Variants in AP1M1 observed in about 807,000 individuals in gnomAD.
AP1M1 encodes the protein AP-1 complex subunit mu-1.
A neutral mutation model predicts 57.1 loss-of-function variants in AP1M1; 18 were observed. The ratio of observed to expected loss-of-function variants is 0.32; its 90% CI spans 0.22 to 0.47. AP1M1 has a LOEUF of 0.47. Among genes scored for constraint, AP1M1 ranks in the 20% least tolerant of loss-of-function variants. AP1M1 has a pLI of 1.00. For missense variants in AP1M1, 362 were observed against 593.5 expected (o/e 0.61, Z 4.05); for synonymous variants, 241 against 237.9 (o/e 1.01, Z -0.12).
At chr19:16,208,202 C>G (rs971793267) in intron 4 of AP1M1, 53 bp downstream of exon 4, 9 of 1,547,186 alleles carry the variant, frequency 5.8e-6, no homozygotes, top group African/African-American at 1.4e-5. Flanking sequence ...GTCATGACAT[C>G]GACGTCATCA....
Position 16,206,364 on chromosome 19 carries a change from G to A in AP1M1, c.223G>A (p.Ala75Thr), listed in dbSNP as rs749998518. The A allele has an allele frequency of 3.5e-5, 57 of 1,614,146 alleles. No homozygotes were observed. The highest frequency in any genetic ancestry group is 6.6e-5 in the South Asian group (6 of 91,074). ...AGTGGTTGCCACATCCAAGAAGAAC[G>A]CGTGCGTGTCGCTGGTCTTTTCTTT... ...LYLVATSKKN[A>T]CVSLVFSFLY... The change falls in exon 3 of 12, where the codon GCG becomes ACG. Residue 75 changes from alanine to threonine, a missense_variant. By Grantham distance (58) the Ala-to-Thr change is moderately conservative (BLOSUM62 0). This residue lies in a region of AP1M1 where 337 missense variants were observed against 511.1 expected (regional missense o/e 0.66). Transcript: ENST00000291439. This position sits in a 1 kb window ranked among gnomAD's most constrained non-coding sequence, Gnocchi z 4.3.
chr19:16,224,616 A>G (rs1281180446), intron 5 of AP1M1, among the ~76,000 whole-genome samples: 1 of 152,188 alleles, frequency 6.6e-6, no homozygotes, highest in Non-Finnish European at 1.5e-5. Flanking sequence ...TGCTGCCCGC[A>G]GGGCCGAGAT....
chr19:16,213,733 T>G (rs2091505547), intron 5 of AP1M1, among the ~76,000 whole-genome samples: 1 of 152,160 alleles, frequency 6.6e-6, no homozygotes, highest in Non-Finnish European at 1.5e-5. Flanking sequence ...CCTCAAGTGA[T>G]CCACTCGCCT....
Position 16,203,245 on chromosome 19 carries a change from G to T in AP1M1, c.43-214G>T. On this transcript the variant is annotated intron_variant, in intron 1 of 11. Transcript: ENST00000291439. This position sits in a 1 kb window ranked among gnomAD's most constrained non-coding sequence, Gnocchi z 4.6. ...CCTCACCCTGCGAAGAACTGCAGTG[G>T]CCCCTGTGGGCATTCACACTGGGAG... is the stretch of plus-strand genomic sequence containing the variant. The T allele has an allele frequency of 1.7e-6, 1 of 589,170 alleles. No homozygotes were observed. Among genetic ancestry groups the T allele is most frequent in the Non-Finnish European group, 3.0e-6 (1 of 330,756 alleles). The allele number at this position is 589,170 out of a possible 1,614,324, so 36.5% of individuals were successfully genotyped here. A position where few individuals can be genotyped will look rare whatever the true frequency, so the allele number is the denominator to read the frequency against.
rs185556793 is a variant in AP1M1 at position 16,219,730 on chromosome 19, G to A, written c.547-6691G>A. Among the ~76,000 whole-genome samples, 471 of 152,230 alleles carry A rather than the reference G, an allele frequency of 3.1e-3. 1 individual carries two copies. Among genetic ancestry groups the A allele is most frequent in the Middle Eastern group, 6.8e-3 (2 of 292 alleles). On this transcript the variant is annotated intron_variant, in intron 5 of 11. Coordinates refer to ENST00000291439, the MANE Select transcript of AP1M1 (RefSeq NM_032493.4). ...TATGTTTTATATACACCTTATGCAC[G>A]TAGTCTGAAGGTAATTTTACTTTTC...
intron 5 of AP1M1, among the ~76,000 whole-genome samples, chr19:16,219,126 A>G (rs12976070): frequency 0.66 from 99,422 of 150,686 alleles, 35,009 homozygotes; most frequent in Non-Finnish European, 0.8. Flanking sequence ...TTCTGCATCA[A>G]TTGATGTAAT....
At chr19:16,209,699 C>G (rs532397224) in intron 5 of AP1M1, among the ~76,000 whole-genome samples, 7 of 152,078 alleles carry the variant, frequency 4.6e-5, no homozygotes, top group African/African-American at 1.7e-4. Context: ...GGGCCTCATT[C>G]TGTAGACAGA....
Position 16,233,522 on chromosome 19 carries a change from C to G in AP1M1, c.1077C>G (p.His359Gln). The change falls in exon 10 of 12, where the codon CAC becomes CAG. Residue 359 changes from histidine (H) to glutamine (Q), a missense_variant. Coordinates refer to ENST00000291439, the MANE Select transcript of AP1M1 (RefSeq NM_032493.4). ...PGGKEYLMRA[H>Q]FGLPSVEAED... ...GCAAGGAGTACCTGATGCGGGCCCA[C>G]TTCGGCCTGCCTAGTGTGGAGGCCG... 6.2e-7 allele frequency: 1 copy of G among 1,605,478 alleles called. No individual in the cohort carries two copies. Among genetic ancestry groups the G allele is most frequent in the South Asian group, 1.1e-5 (1 of 89,538 alleles).
chr19:16,230,014 A>G (rs2091589301), intron 9 of AP1M1, among the ~76,000 whole-genome samples: 1 of 152,214 alleles, frequency 6.6e-6, no homozygotes, highest in Admixed American at 6.5e-5. Context: ...ACTGTTGAAA[A>G]TAGTGTTTAT....
Position 16,209,066 on chromosome 19 carries a change from G to A in AP1M1, c.435G>A (p.Gly145=). ...AGGAAGGCCACAAGCTGGAAACAGG[G>A]GCCCCGCGGCCACCAGCCACCGTCA... ...ITQEGHKLET[G]APRPPATVTN... Residue 145 remains glycine (G), a synonymous_variant, in exon 5 of 12, where the codon GGG becomes GGA. Transcript: ENST00000291439. 1 of 1,614,130 alleles carries A rather than the reference G, an allele frequency of 6.2e-7. No individual in the cohort carries two copies. The highest frequency in any genetic ancestry group is 8.5e-7 in the Non-Finnish European group (1 of 1,180,022).
intron 5 of AP1M1, chr19:16,210,221 AT>A (rs1189567525): frequency 3.5e-6 from 2 of 575,690 alleles, no homozygotes; most frequent in Non-Finnish European, 6.4e-6. Flanking sequence ...TCCCTTTTAT[AT>A]TTATTTATAT....
rs909654669 is a variant in AP1M1, at chr19:16,206,066, G to A, written c.200-275G>A. On this transcript the variant is annotated intron_variant, in intron 2 of 11. Coordinates refer to ENST00000291439, the MANE Select transcript of AP1M1 (RefSeq NM_032493.4). This position sits in a 1 kb window ranked among gnomAD's most constrained non-coding sequence, Gnocchi z 4.3. ...CAAGGCAGCCCTTCACCCAGCCGCC[G>A]GGACAGGTGCCCTGTGCCACCTGCC... Among the ~76,000 whole-genome samples, 7 of 152,092 alleles carry A rather than the reference G, an allele frequency of 4.6e-5. No individual in the cohort carries two copies. Among genetic ancestry groups the A allele is most frequent in the South Asian group, 2.1e-4 (1 of 4,826 alleles).
chr19:16,222,388 A>T (rs868644759), intron 5 of AP1M1, among the ~76,000 whole-genome samples: 2 of 148,438 alleles, frequency 1.3e-5, no homozygotes, highest in African/African-American at 2.5e-5. Flanking sequence ...TTAAAAAAAA[A>T]TTTTTGTAGA....
Position 16,227,378 on chromosome 19 carries a change from A to T in AP1M1, c.674-170A>T, listed in dbSNP as rs1263195842. ...GGGGACCCCAGGGGTGTGAGGAGTG[A>T]TGGGGCAGTTGTCTTGGGACCCAGC... On this transcript the variant is annotated intron_variant, in intron 6 of 11. Transcript: ENST00000291439. The surrounding 1 kb of genome is among the most constrained non-coding windows in gnomAD (Gnocchi z 6.2). 6.6e-6 allele frequency among the ~76,000 whole-genome samples: 1 copy of T among 151,854 alleles called. No homozygotes were observed. Among genetic ancestry groups the T allele is most frequent in the African/African-American group, 2.4e-5 (1 of 41,316 alleles).
intron 5 of AP1M1, among the ~76,000 whole-genome samples, chr19:16,219,926 A>G (rs1346983948): frequency 6.6e-6 from 1 of 152,036 alleles, no homozygotes; most frequent in Non-Finnish European, 1.5e-5. Context: ...CTTAACCTGT[A>G]TTCTTTTTAT....
chr19:16,243,152 T>C lies in AP1M1; in HGVS notation c.*8717T>C, dbSNP rs1421765589. On this transcript the variant is annotated 3_prime_UTR_variant, in exon 12 of 12. Transcript: ENST00000291439. The stretch of plus-strand genomic sequence containing the variant: ...TCCACACAACTCCAAGAATTATTAT[T>C]AGAGTTCCCACTCTCTGAGGAATTT... 1 of 152,224 alleles carries C rather than the reference T, an allele frequency of 6.6e-6. No homozygotes were observed. The highest frequency in any genetic ancestry group is 1.5e-5 in the Non-Finnish European group (1 of 68,040). 9.4% of individuals were successfully genotyped at this position (152,224 alleles called of 1,614,324 possible). A position where few individuals can be genotyped will look rare whatever the true frequency, so the allele number is the denominator to read the frequency against.
intron 5 of AP1M1, among the ~76,000 whole-genome samples, chr19:16,213,218 G>A (rs1402232353): frequency 1.3e-5 from 2 of 152,176 alleles, no homozygotes; most frequent in Non-Finnish European, 2.9e-5. Flanking sequence ...TATTGTGTGG[G>A]AGTCTAAGTC....
intron 9 of AP1M1, among the ~76,000 whole-genome samples, chr19:16,232,240 T>C (rs2091601912): frequency 6.6e-6 from 1 of 152,250 alleles, no homozygotes; most frequent in Non-Finnish European, 1.5e-5. Context: ...ATGCCTGTTC[T>C]TCCTACCCGG....
At chr19:16,217,376 G>A (rs1030616248) in intron 5 of AP1M1, among the ~76,000 whole-genome samples, 1 of 152,128 alleles carries the variant, frequency 6.6e-6, no homozygotes, top group Non-Finnish European at 1.5e-5. Context: ...TGCTGTTGGG[G>A]AAGGGTGGGC....
Sources: gnomAD v4.1 joint callset for allele counts (sites outside exome capture counted in the v4.1 genomes callset) on GRCh38, gnomAD v4.1.1 for gene constraint, gnomAD v4.1.1 regional missense constraint, Gnocchi (gnomAD v3.1) non-coding constraint, MANE v1.5 for transcripts, NCBI Gene and HGNC (gene_info 2026-07-23, HGNC 2026-07-21) for gene names.